Variants in CNTN1 observed in about 807,000 individuals in gnomAD.
CNTN1 encodes contactin-1.
In CNTN1, 38 loss-of-function variants were observed where a neutral mutation model predicts 126.4. The ratio of observed to expected loss-of-function variants is 0.30; its 90% confidence interval spans 0.23 to 0.39. The LOEUF (loss-of-function observed/expected upper bound fraction) is 0.39, where lower values mean the gene tolerates loss of function less well. Ranked by LOEUF, CNTN1 falls within the 10% of genes least tolerant of loss-of-function variation. The pLI is 1.00. For synonymous variants in CNTN1, 413 were observed against 422.6 expected (o/e 0.98, Z 0.28); for missense variants, 1,009 against 1,248.4 (o/e 0.81, Z 2.89).
chr12:40,859,865 A>G (rs1375094245), intron 1 of CNTN1, among the ~76,000 whole-genome samples: 1 of 152,138 alleles, frequency 6.6e-6, no homozygotes, highest in Non-Finnish European at 1.5e-5. Flanking sequence ...TAAATAATTC[A>G]CCATCCAAAA....
intron 1 of CNTN1, among the ~76,000 whole-genome samples, chr12:40,739,522 C>T (rs1937843601): frequency 6.6e-6 from 1 of 152,014 alleles, no homozygotes; most frequent in Non-Finnish European, 1.5e-5. Flanking sequence ...ATGAGACATA[C>T]TTATACTAAA....
intron 1 of CNTN1, among the ~76,000 whole-genome samples, chr12:40,849,265 C>G (rs1233024700): frequency 6.6e-6 from 1 of 151,894 alleles, no homozygotes; most frequent in African/African-American, 2.4e-5. Context: ...GTGTAAAGAC[C>G]AAGAAGGTAA....
chr12:40,984,230 AT>A (rs570417180), intron 16 of CNTN1, among the ~76,000 whole-genome samples: 2 of 151,774 alleles, frequency 1.3e-5, no homozygotes, highest in Non-Finnish European at 1.5e-5. Context: ...TCCTTTGTTA[AT>A]TTGTCTGTTA....
chr12:40,904,609 T>A (rs1944745587), intron 1 of CNTN1, among the ~76,000 whole-genome samples: 2 of 151,966 alleles, frequency 1.3e-5, no homozygotes, highest in African/African-American at 4.8e-5. Flanking sequence ...TTTGTATTTT[T>A]ACTAGTGATA....
At chr12:40,922,796 C>A (rs1028378506) in intron 5 of CNTN1, among the ~76,000 whole-genome samples, 3 of 151,852 alleles carry the variant, frequency 2.0e-5, no homozygotes, top group African/African-American at 7.3e-5. Context: ...CATGGTGAAA[C>A]CCTGTCTCTA....
intron 1 of CNTN1, among the ~76,000 whole-genome samples, chr12:40,873,610 T>C (rs1183622560): frequency 1.3e-5 from 2 of 152,204 alleles, no homozygotes; most frequent in Non-Finnish European, 2.9e-5. Context: ...ATATTTATAA[T>C]GATATGAAAA....
At position 41,071,036 on chromosome 12, in the gene CNTN1, T is replaced by C. The variant is rs2121181254; in HGVS notation, c.*1001T>C. 6.6e-6 allele frequency: 1 copy of C among 152,012 alleles called. No homozygotes were observed. Among genetic ancestry groups the C allele is most frequent in the East Asian group, 1.9e-4 (1 of 5,168 alleles). 9.4% of individuals were successfully genotyped at this position (152,012 alleles called of 1,614,324 possible). ...TTATTGCAGATGTCAGATCAAAAAG[T>C]CACCTGTAGGTTGAAAAAGCTACCG... On this transcript the variant is annotated 3_prime_UTR_variant, in exon 24 of 24. Coordinates refer to ENST00000551295, the MANE Select transcript of CNTN1 (RefSeq NM_001843.4).
At chr12:40,920,722 A>G (rs951112056) in intron 4 of CNTN1, among the ~76,000 whole-genome samples, 1 of 152,160 alleles carries the variant, frequency 6.6e-6, no homozygotes, top group Non-Finnish European at 1.5e-5. Flanking sequence ...ACAACAGGGT[A>G]CTTTACTTCT....
chr12:40,994,972 G>C (rs1429943567), intron 17 of CNTN1, among the ~76,000 whole-genome samples: 2 of 151,972 alleles, frequency 1.3e-5, no homozygotes, highest in Admixed American at 1.3e-4. Flanking sequence ...TATTAACTTA[G>C]ATAAACTATT....
At chr12:40,975,889 T>C in intron 15 of CNTN1, among the ~76,000 whole-genome samples, 1 of 152,172 alleles carries the variant, frequency 6.6e-6, no homozygotes, top group East Asian at 1.9e-4. Flanking sequence ...CCACTCTTGA[T>C]GACATCCTGT....
At chr12:41,061,250 G>A (rs1403688668) in intron 23 of CNTN1, among the ~76,000 whole-genome samples, 1 of 152,168 alleles carries the variant, frequency 6.6e-6, no homozygotes, top group Non-Finnish European at 1.5e-5. Context: ...ATAAAAGCTA[G>A]AAGTTGCTTT....
At chr12:41,014,446 A>T in intron 18 of CNTN1, 148 bp downstream of exon 18, 1 of 789,898 alleles carries the variant, frequency 1.3e-6, no homozygotes, top group Non-Finnish European at 2.1e-6. Flanking sequence ...TTAAATGCAA[A>T]TCAGATTTTA....
intron 1 of CNTN1, among the ~76,000 whole-genome samples, chr12:40,792,934 GA>G (rs958316992): frequency 2.4e-4 from 36 of 152,068 alleles, no homozygotes; most frequent in African/African-American, 8.4e-4. Context: ...GAATAGCTCT[GA>G]AAAGCTTCCC....
chr12:40,749,183 T>C (rs1414765949), intron 1 of CNTN1, among the ~76,000 whole-genome samples: 2 of 152,130 alleles, frequency 1.3e-5, no homozygotes, highest in Non-Finnish European at 2.9e-5. Context: ...AGCTATATAA[T>C]ACTTGTATAG....
Position 40,986,579 on chromosome 12 carries a change from G to T in CNTN1, c.1963+5512G>T, listed in dbSNP as rs543671835. Reference sequence around the variant, plus strand: ...CTTTCAGTTCCCCTGCTTCTGCCCAGATACCTGCTGCTGATAATCAGTCTA... The same window carrying T: ...CTTTCAGTTCCCCTGCTTCTGCCCATATACCTGCTGCTGATAATCAGTCTA... On this transcript the variant is annotated intron_variant, in intron 16 of 23. Coordinates refer to ENST00000551295, the MANE Select transcript of CNTN1 (RefSeq NM_001843.4). Among the ~76,000 whole-genome samples the T allele has an allele frequency of 3.9e-5, 6 of 152,262 alleles. No individual in the cohort carries two copies. In the South Asian group the frequency reaches 1.2e-3, roughly 32 times the overall value.
intron 1 of CNTN1, among the ~76,000 whole-genome samples, chr12:40,845,695 A>G (rs1942474248): frequency 6.6e-6 from 1 of 152,072 alleles, no homozygotes; most frequent in Non-Finnish European, 1.5e-5. Flanking sequence ...AGTTATATAA[A>G]CTTTTCACCA....
intron 23 of CNTN1, among the ~76,000 whole-genome samples, chr12:41,052,671 C>G (rs1238538538): frequency 1.3e-5 from 2 of 151,902 alleles, no homozygotes; most frequent in Non-Finnish European, 2.9e-5. Flanking sequence ...CCCAAAGAAC[C>G]TGGCAAACCA....
intron 15 of CNTN1, among the ~76,000 whole-genome samples, chr12:40,964,682 G>A (rs764263262): frequency 7.9e-5 from 12 of 151,948 alleles, no homozygotes; most frequent in Admixed American, 2.6e-4. Flanking sequence ...GCCTAATGAC[G>A]TGGTTACCAG....
chr12:40,951,394 C>T (rs1218907931), intron 14 of CNTN1, among the ~76,000 whole-genome samples: 1 of 151,970 alleles, frequency 6.6e-6, no homozygotes, highest in East Asian at 1.9e-4. Context: ...TTTTGTATGT[C>T]CAATGACATC....
Sources: gnomAD v4.1 joint callset for allele counts (sites outside exome capture counted in the v4.1 genomes callset) on GRCh38, gnomAD v4.1.1 for gene constraint, MANE v1.5 for transcripts, NCBI Gene and HGNC (gene_info 2026-07-23, HGNC 2026-07-21) for gene names.